The following RB1CC1 variants were observed in gnomAD, a reference collection of about 807,000 sequenced individuals.
The protein encoded by RB1CC1 is RB1-inducible coiled-coil protein 1.
In RB1CC1, 46 loss-of-function variants were observed where a neutral mutation model predicts 177.5. That is an observed-to-expected ratio of 0.26 (90% CI 0.20 to 0.33). The LOEUF is 0.33. RB1CC1 is among the 10% of genes least tolerant of loss of function. RB1CC1 has a pLI of 1.00. For missense variants in RB1CC1, 1,703 were observed against 1,816.3 expected (o/e 0.94, Z 1.13); for synonymous variants, 666 against 613.6 (o/e 1.09, Z -1.26).
intron 15 of RB1CC1, among the ~76,000 whole-genome samples, chr8:52,648,323 T>C (rs1850246366): frequency 6.6e-6 from 1 of 152,156 alleles, no homozygotes; most frequent in Admixed American, 6.6e-5. Flanking sequence ...GCCATATTGT[T>C]TGAAGCTCCC....
At chr8:52,674,624 C>T (rs551679225) in intron 6 of RB1CC1, among the ~76,000 whole-genome samples, 35 of 152,124 alleles carry the variant, frequency 2.3e-4, no homozygotes, top group African/African-American at 8.2e-4. Context: ...AAAAATTAGC[C>T]GAGTGTGGTG....
intron 9 of RB1CC1, 109 bp downstream of exon 9, chr8:52,661,426 A>G (rs964970414): frequency 4.1e-6 from 6 of 1,451,132 alleles, no homozygotes; most frequent in Non-Finnish European, 4.7e-6. Context: ...AAGTTCATCA[A>G]TAAGGTATTT....
chr8:52,680,002 T>C (rs991579482), intron 5 of RB1CC1, among the ~76,000 whole-genome samples: 5 of 152,162 alleles, frequency 3.3e-5, no homozygotes, highest in Non-Finnish European at 7.3e-5. Context: ...TCCCCTGTGA[T>C]CCAGGGCAGC....
intron 1 of RB1CC1, among the ~76,000 whole-genome samples, chr8:52,708,385 C>A (rs1302777881): frequency 1.3e-5 from 2 of 152,066 alleles, no homozygotes; most frequent in African/African-American, 4.8e-5. Context: ...GGCATGGTGG[C>A]GGATGCCTGT....
At chr8:52,705,415 C>T (rs888481172) in intron 1 of RB1CC1, among the ~76,000 whole-genome samples, 3 of 152,054 alleles carry the variant, frequency 2.0e-5, no homozygotes, top group African/African-American at 7.2e-5. Context: ...TACTTTTTAC[C>T]CTTCAGATTA....
chr8:52,662,500 G>A (rs1261617078), intron 8 of RB1CC1, among the ~76,000 whole-genome samples: 1 of 151,898 alleles, frequency 6.6e-6, no homozygotes, highest in African/African-American at 2.4e-5. Flanking sequence ...ATACTTTATT[G>A]CTACCACAAA....
chr8:52,641,458 CATAACT>C (rs1301964743), intron 18 of RB1CC1, among the ~76,000 whole-genome samples: 1 of 150,416 alleles, frequency 6.6e-6, no homozygotes, highest in Non-Finnish European at 1.5e-5. Context: ...GCTGGTGTAT[CATAACT>C]GTTGTCTTGT....
chr8:52,659,060 A>G (rs1851364030), intron 12 of RB1CC1, 84 bp from the exon 13 acceptor site: 1 of 658,806 alleles, frequency 1.5e-6, no homozygotes, highest in Non-Finnish European at 2.4e-6. Flanking sequence ...TACTATAATT[A>G]AATTTACTAT....
intron 9 of RB1CC1, 48 bp downstream of exon 9, chr8:52,661,487 A>G (rs765801583): frequency 2.0e-6 from 3 of 1,511,022 alleles, no homozygotes; most frequent in Admixed American, 2.2e-5. Context: ...AAATAAATAT[A>G]AATACCAATT....
intron 8 of RB1CC1, among the ~76,000 whole-genome samples, chr8:52,662,397 T>G (rs1156942183): frequency 6.6e-6 from 1 of 152,092 alleles, no homozygotes; most frequent in Non-Finnish European, 1.5e-5. Flanking sequence ...TTAATTTAGA[T>G]AGATCTGCCA....
intron 7 of RB1CC1, among the ~76,000 whole-genome samples, chr8:52,671,253 C>T (rs1852562840): frequency 6.6e-6 from 1 of 152,128 alleles, no homozygotes; most frequent in Non-Finnish European, 1.5e-5. Flanking sequence ...CTGAGAAAGA[C>T]ATTTTAATTT....
At chr8:52,647,585 G>C (rs1443498719) in intron 15 of RB1CC1, among the ~76,000 whole-genome samples, 3 of 152,082 alleles carry the variant, frequency 2.0e-5, no homozygotes, top group African/African-American at 7.2e-5. Flanking sequence ...AATAGGTATA[G>C]GCAGGGTTTA....
chr8:52,696,897 C>T (rs575343513), intron 1 of RB1CC1, among the ~76,000 whole-genome samples: 1 of 151,988 alleles, frequency 6.6e-6, no homozygotes, highest in East Asian at 1.9e-4. Flanking sequence ...CAGCTACTTG[C>T]GGGGCTGAGG....
At chr8:52,635,845 G>C (rs1563354585) in intron 19 of RB1CC1, among the ~76,000 whole-genome samples, 170 bp downstream of exon 19, 1 of 152,036 alleles carries the variant, frequency 6.6e-6, no homozygotes, top group African/African-American at 2.4e-5. Flanking sequence ...TAGCTAGTAA[G>C]ATCATAAAAT....
rs545108949 is a variant in RB1CC1, at chr8:52,624,872, T to C, written c.4637-85A>G. 1.8e-5 allele frequency: 18 copies of C among 1,028,322 alleles called. No individual in the cohort carries two copies. In the East Asian group the frequency reaches 2.6e-4, roughly 15 times the overall value. 63.7% of individuals were successfully genotyped at this position (1,028,322 alleles called of 1,614,324 possible). On this transcript the variant is annotated intron_variant, in intron 22 of 23. Coordinates refer to ENST00000025008, the MANE Select transcript of RB1CC1 (RefSeq NM_014781.5). ...CATAACTGCCAGAATTAAAACAGACTAAAAAAGCTCTCATGAGTGGAAGAA... is the reference window on the plus strand; with the variant it reads ...CATAACTGCCAGAATTAAAACAGACCAAAAAAGCTCTCATGAGTGGAAGAA...
At chr8:52,655,416 A>G (rs1169332930) in intron 15 of RB1CC1, among the ~76,000 whole-genome samples, 1 of 152,170 alleles carries the variant, frequency 6.6e-6, no homozygotes, top group Non-Finnish European at 1.5e-5. Context: ...ATCTTCTGTG[A>G]TCAAAAGGCA....
intron 1 of RB1CC1, among the ~76,000 whole-genome samples, chr8:52,708,341 C>T (rs1856765844): frequency 6.6e-6 from 1 of 152,048 alleles, no homozygotes; most frequent in African/African-American, 2.4e-5. Flanking sequence ...ACAGTGAAAC[C>T]CCGTCTCTGC....
chr8:52,652,182 G>A (rs1004698271), intron 15 of RB1CC1, among the ~76,000 whole-genome samples: 4 of 151,952 alleles, frequency 2.6e-5, no homozygotes, highest in African/African-American at 9.7e-5. Flanking sequence ...AAAATCTTAT[G>A]TATGGCCAAG....
intron 12 of RB1CC1, 76 bp from the exon 13 acceptor site, chr8:52,659,052 C>T: frequency 2.8e-6 from 2 of 724,370 alleles, no homozygotes; most frequent in Non-Finnish European, 4.2e-6. Flanking sequence ...TGATTTCTTA[C>T]TATAATTAAA....
Sources: allele counts gnomAD v4.1 joint callset (sites outside exome capture counted in the v4.1 genomes callset), GRCh38; gene constraint gnomAD v4.1.1; transcripts MANE v1.5; gene names NCBI Gene and HGNC (gene_info 2026-07-23, HGNC 2026-07-21).